Variants in SYNE2 observed in about 807,000 individuals in gnomAD.
SYNE2 encodes spectrin repeat containing nuclear envelope protein 2, also known as nesprin-2.
SYNE2 carries 431 observed loss-of-function variants against 856.3 expected under a neutral mutation model. That is an observed-to-expected ratio of 0.50 (90% confidence interval 0.47 to 0.55). The LOEUF is 0.55. Among genes scored for constraint, SYNE2 ranks in the 20% least tolerant of loss-of-function variants. SYNE2 has a pLI of 0.00. For missense variants in SYNE2, 8,129 were observed against 8,023.2 expected, an observed-to-expected ratio of 1.01 and a Z score of -0.50; for synonymous variants, 2,923 against 2,872.3, an observed-to-expected ratio of 1.02 and a Z score of -0.56.
chr14:63,815,205 C>CATACATATATGGATATATAT (rs1888910431), intron 1 of SYNE2, among the ~76,000 whole-genome samples: 1 of 94,612 alleles, frequency 1.1e-5, no homozygotes, highest in East Asian at 3.3e-4. Flanking sequence ...TATATATATC[C>CATACATATATGGATATATAT]ATATATATAT....
At chr14:64,145,525 A>T (rs954843844) in intron 83 of SYNE2, among the ~76,000 whole-genome samples, 3 of 151,112 alleles carry the variant, frequency 2.0e-5, no homozygotes, top group African/African-American at 4.9e-5. Flanking sequence ...AAAAAAAAAA[A>T]ATTATGTCAT....
chr14:64,218,220 G>C (rs924415291), intron 108 of SYNE2, 178 bp from the exon 109 acceptor site: 2 of 610,602 alleles, frequency 3.3e-6, no homozygotes, highest in Admixed American at 2.4e-5. Context: ...TCTGCCATCA[G>C]CTTTGCCAGC....
chr14:64,094,711 A>G (rs1362150111), intron 61 of SYNE2, among the ~76,000 whole-genome samples: 1 of 152,198 alleles, frequency 6.6e-6, no homozygotes, highest in Non-Finnish European at 1.5e-5. Context: ...TCAGTATTGT[A>G]AAAATATTAG....
Position 64,122,011 on chromosome 14 carries a change from G to C in SYNE2, c.13159-1G>C. 6 of 1,613,358 alleles carry C rather than the reference G, an allele frequency of 3.7e-6. No homozygotes were observed. Among genetic ancestry groups the C allele is most frequent in the Non-Finnish European group, 5.1e-6 (6 of 1,179,954 alleles). On this transcript the variant is annotated splice_acceptor_variant, in intron 68 of 115. Transcript: ENST00000555002. LOFTEE classifies it high-confidence loss of function. Reference sequence around the variant, plus strand: ...ACCATTTGAATCTCATTCAATTACAGGTTCTGGAGTTAAAACCAATGGAAC... The same window carrying C: ...ACCATTTGAATCTCATTCAATTACACGTTCTGGAGTTAAAACCAATGGAAC...
At chr14:64,061,391 T>A (rs554364065) in intron 49 of SYNE2, among the ~76,000 whole-genome samples, 2 of 152,350 alleles carry the variant, frequency 1.3e-5, no homozygotes, top group Admixed American at 6.5e-5. Flanking sequence ...CTTGGGTAAA[T>A]ATCTAGGAGT....
chr14:63,800,771 T>C (rs1360879066), intron 1 of SYNE2, among the ~76,000 whole-genome samples: 1 of 152,140 alleles, frequency 6.6e-6, no homozygotes, highest in East Asian at 1.9e-4. Flanking sequence ...TGAGAACTTA[T>C]GAACACAAAG....
chr14:64,147,633 A>G (rs2098199018), intron 84 of SYNE2, among the ~76,000 whole-genome samples: 1 of 152,208 alleles, frequency 6.6e-6, no homozygotes, highest in African/African-American at 2.4e-5. Flanking sequence ...CAATGCCACC[A>G]TCTGTAGAAA....
In SYNE2 at chr14:64,163,251, C is replaced by G. The variant is rs574348536; in HGVS notation, c.16300-151C>G. 1.3e-4 allele frequency: 125 copies of G among 998,236 alleles called. 2 individuals are homozygous for G. In the South Asian group the frequency reaches 1.7e-3, roughly 14 times the overall value. 61.8% of individuals were successfully genotyped at this position (998,236 alleles called of 1,614,324 possible). On this transcript the variant is annotated intron_variant, in intron 88 of 115. Coordinates refer to ENST00000555002, the MANE Select transcript of SYNE2 (RefSeq NM_182914.3). ...TATACATCATTTCAAGAAAGCCCAG[C>G]CTTTTCAGCTATTTAAAATAAATAA...
chr14:64,046,316 T>C (rs2097186035), intron 45 of SYNE2, among the ~76,000 whole-genome samples: 1 of 152,340 alleles, frequency 6.6e-6, no homozygotes, highest in Admixed American at 6.5e-5. Context: ...TTTGAATTCT[T>C]ACTACTGATT....
intron 1 of SYNE2, among the ~76,000 whole-genome samples, chr14:63,783,250 G>A (rs1048429399): frequency 6.6e-6 from 1 of 152,038 alleles, no homozygotes; most frequent in Non-Finnish European, 1.5e-5. Context: ...TCCTTTTTGC[G>A]GCCTTGTGAA....
At chr14:63,943,820 G>A (rs556849792) in intron 6 of SYNE2, among the ~76,000 whole-genome samples, 65 of 151,678 alleles carry the variant, frequency 4.3e-4, no homozygotes, top group African/African-American at 1.3e-3. Flanking sequence ...ACAGGTGCGC[G>A]CCACCACGCC....
rs768780536 is a variant in SYNE2 at position 64,022,865 on chromosome 14, T to A, written c.5637+2T>A. 6.7e-7 allele frequency: 1 copy of A among 1,482,082 alleles called. No individual in the cohort carries two copies. Among genetic ancestry groups the A allele is most frequent in the East Asian group, 2.3e-5 (1 of 43,514 alleles). The allele number at this position is 1,482,082 out of a possible 1,614,324, so 91.8% of individuals were successfully genotyped here. On this transcript the variant is annotated splice_donor_variant, in intron 38 of 115. Coordinates refer to ENST00000555002, the MANE Select transcript of SYNE2 (RefSeq NM_182914.3). LOFTEE classifies it high-confidence loss of function. Reference sequence around the variant, plus strand: ...GAACAAAAGCTACAAAAACTTTCTGTAAGAGATATATGTGTATTTTTAATA... The same window carrying A: ...GAACAAAAGCTACAAAAACTTTCTGAAAGAGATATATGTGTATTTTTAATA...
In SYNE2 at chr14:63,990,628, A is replaced by T. The variant is rs995553535; in HGVS notation, c.2472+59A>T. Reference sequence around the variant, plus strand: ...GTTCTCTAAAACTGAGGGGTCACTGAGTGGGCAGTGAAGGGGGGTGATAGC... The same window carrying T: ...GTTCTCTAAAACTGAGGGGTCACTGTGTGGGCAGTGAAGGGGGGTGATAGC... On this transcript the variant is annotated intron_variant, in intron 20 of 115. Coordinates refer to ENST00000555002, the MANE Select transcript of SYNE2 (RefSeq NM_182914.3). The T allele has an allele frequency of 5.4e-6, 8 of 1,478,268 alleles. No individual in the cohort carries two copies. The African/African-American group carries it at 1.1e-4, about 20-fold the overall frequency. 91.6% of individuals were successfully genotyped at this position (1,478,268 alleles called of 1,614,324 possible).
intron 1 of SYNE2, among the ~76,000 whole-genome samples, chr14:63,772,704 C>G (rs530246668): frequency 6.6e-6 from 1 of 152,108 alleles, no homozygotes; most frequent in Non-Finnish European, 1.5e-5. Context: ...GACCATTCCA[C>G]TGTACTCTAG....
At chr14:64,194,753 A>G (rs948946819) in intron 99 of SYNE2, among the ~76,000 whole-genome samples, 7 of 152,194 alleles carry the variant, frequency 4.6e-5, no homozygotes, top group African/African-American at 1.7e-4. Context: ...TTGAGATACA[A>G]ATTGTTGGGT....
intron 2 of SYNE2, 87 bp downstream of exon 2, chr14:63,909,314 C>G (rs2095444973): frequency 2.4e-6 from 2 of 830,346 alleles, no homozygotes; most frequent in South Asian, 1.5e-5. Flanking sequence ...ATTTTCGTCT[C>G]TCTTATGGAG....
chr14:64,214,106 A>T, intron 105 of SYNE2, 88 bp from the exon 106 acceptor site: 1 of 1,597,570 alleles, frequency 6.3e-7, no homozygotes, highest in South Asian at 1.1e-5. Flanking sequence ...TATTTTTGGA[A>T]ACTGCTAGAT....
intron 8 of SYNE2, among the ~76,000 whole-genome samples, chr14:63,959,567 G>C (rs1477602047): frequency 6.6e-6 from 1 of 151,964 alleles, no homozygotes; most frequent in Non-Finnish European, 1.5e-5. Context: ...AAAGTGCTAG[G>C]ATTACAGGCT....
chr14:63,940,907 G>C (rs1015098521), intron 3 of SYNE2, among the ~76,000 whole-genome samples: 2 of 152,180 alleles, frequency 1.3e-5, no homozygotes, highest in Admixed American at 6.5e-5. Flanking sequence ...ATATGGGACA[G>C]TGCTATAAAA....
Sources: gnomAD v4.1 joint callset for allele counts (sites outside exome capture counted in the v4.1 genomes callset) on GRCh38, gnomAD v4.1.1 for gene constraint, MANE v1.5 for transcripts, NCBI Gene and HGNC (gene_info 2026-07-23, HGNC 2026-07-21) for gene names.